Variants in ZDHHC14 observed in about 807,000 individuals in gnomAD.
ZDHHC14 encodes zDHHC palmitoyltransferase 14.
In ZDHHC14, 16 loss-of-function variants were observed where a neutral mutation model predicts 47.7. The observed-to-expected ratio is 0.34, with a 90% CI of 0.23 to 0.51. The LOEUF is 0.51. ZDHHC14 is among the 20% of genes least tolerant of loss of function. The pLI, the probability that ZDHHC14 is intolerant of heterozygous loss-of-function variation, is 0.97. For synonymous variants in ZDHHC14, 293 were observed against 278.9 expected, an observed-to-expected ratio of 1.05 and a Z score of -0.50; for missense variants, 515 against 662.5, an observed-to-expected ratio of 0.78 and a Z score of 2.44.
intron 1 of ZDHHC14, among the ~76,000 whole-genome samples, chr6:157,450,998 T>TG (rs1778790385): frequency 1.4e-4 from 21 of 147,636 alleles, no homozygotes; most frequent in Admixed American, 4.1e-4. Flanking sequence ...AAGTCTGGTC[T>TG]TGTGTGTGTG....
chr6:157,382,080 A>G lies in ZDHHC14; in HGVS notation c.59A>G (p.His20Arg), dbSNP rs1161201713. ...TGCGAGTACAGCCAGATCAGCACCC[A>G]CAGCTCCTCCCCCATGGAGTCGCCC... ...KDCEYSQISTHSSSPMESPHK... is the reference protein window; with the variant it reads ...KDCEYSQISTRSSSPMESPHK... Residue 20 changes from histidine (H) to arginine (R), a missense_variant, in exon 1 of 9, where the codon CAC becomes CGC. By Grantham distance (29) the His-to-Arg change is conservative (BLOSUM62 0). Around this residue, in one of 4 missense-constraint regions of ZDHHC14, gnomAD observed 59 missense variants for 57.7 expected, o/e 1.02. Transcript: ENST00000359775. The G allele has an allele frequency of 1.2e-6, 2 of 1,608,316 alleles. No individual in the cohort carries two copies. Among genetic ancestry groups the G allele is most frequent in the South Asian group, 2.2e-5 (2 of 90,320 alleles).
In ZDHHC14 at chr6:157,485,384, G is replaced by T. The variant is rs537368148; in HGVS notation, c.246-57201G>T. Among the ~76,000 whole-genome samples, 3 of 152,334 alleles carry T rather than the reference G, an allele frequency of 2.0e-5. No homozygotes were observed. In the East Asian group the frequency reaches 5.8e-4, roughly 29 times the overall value. On this transcript the variant is annotated intron_variant, in intron 1 of 8. Coordinates refer to ENST00000359775, the MANE Select transcript of ZDHHC14 (RefSeq NM_024630.3). Reference sequence around the variant, plus strand: ...CACGAGGAAGTATAGGAGCAAGACAGTTTGGAATGTGATTTCTCTCATCCT... The same window carrying T: ...CACGAGGAAGTATAGGAGCAAGACATTTTGGAATGTGATTTCTCTCATCCT...
chr6:157,403,604 T>A (rs192390587), intron 1 of ZDHHC14, among the ~76,000 whole-genome samples: 55 of 152,322 alleles, frequency 3.6e-4, no homozygotes, highest in African/African-American at 1.3e-3. Context: ...TTTGTCACAT[T>A]GTTTCTTTGG....
chr6:157,465,105 CT>C (rs772080368), intron 1 of ZDHHC14, among the ~76,000 whole-genome samples: 26,779 of 101,912 alleles, frequency 0.26, 2,989 homozygotes, highest in East Asian at 0.41. Context: ...TCTCTTTCTC[CT>C]TTTTTTTTTT....
chr6:157,633,129 A>G (rs1012329343), intron 5 of ZDHHC14, among the ~76,000 whole-genome samples: 2 of 152,150 alleles, frequency 1.3e-5, no homozygotes, highest in Non-Finnish European at 2.9e-5. Context: ...AGAAATCAGC[A>G]TGGATTTGTG....
chr6:157,630,544 C>T (rs1562517857), intron 4 of ZDHHC14: 1 of 151,616 alleles, frequency 6.6e-6, no homozygotes, highest in African/African-American at 2.4e-5. Context: ...CCTTACACAC[C>T]CACACTCTCA....
At chr6:157,544,571 C>T (rs1269953054) in intron 2 of ZDHHC14, among the ~76,000 whole-genome samples, 1 of 152,122 alleles carries the variant, frequency 6.6e-6, no homozygotes, top group Non-Finnish European at 1.5e-5. Context: ...ATCGCTTGAA[C>T]CCAGGAGGCG....
At chr6:157,602,653 G>A (rs1451175447) in intron 3 of ZDHHC14, among the ~76,000 whole-genome samples, 1 of 152,078 alleles carries the variant, frequency 6.6e-6, no homozygotes, top group African/African-American at 2.4e-5. Context: ...AGAAGCTCAG[G>A]GATGTTCAGG....
At chr6:157,559,136 T>C (rs1562480861) in intron 2 of ZDHHC14, among the ~76,000 whole-genome samples, 1 of 152,208 alleles carries the variant, frequency 6.6e-6, no homozygotes, top group South Asian at 2.1e-4. Context: ...TTAATAACTA[T>C]TTGCACACTT....
intron 1 of ZDHHC14, among the ~76,000 whole-genome samples, chr6:157,386,925 T>C (rs1455145372): frequency 6.6e-6 from 1 of 152,188 alleles, no homozygotes; most frequent in Non-Finnish European, 1.5e-5. Context: ...ACTTTCATAG[T>C]CTTGCTCACT....
chr6:157,435,881 G>A (rs922162225), intron 1 of ZDHHC14, among the ~76,000 whole-genome samples: 65 of 152,260 alleles, frequency 4.3e-4, no homozygotes, highest in African/African-American at 1.3e-3. Context: ...GCCTGGCAGC[G>A]TGGCAGAAAG....
At chr6:157,517,432 TCC>T (rs1780736626) in intron 1 of ZDHHC14, among the ~76,000 whole-genome samples, 1 of 151,920 alleles carries the variant, frequency 6.6e-6, no homozygotes, top group African/African-American at 2.4e-5. Context: ...TGCCTCAGCC[TCC>T]CGAGTAGCTG....
At chr6:157,592,284 G>T (rs1261426660) in intron 2 of ZDHHC14, among the ~76,000 whole-genome samples, 1 of 151,912 alleles carries the variant, frequency 6.6e-6, no homozygotes, top group Non-Finnish European at 1.5e-5. Flanking sequence ...TTTTAGAACT[G>T]GTTCTAAAAA....
At chr6:157,583,935 T>C (rs1783600627) in intron 2 of ZDHHC14, among the ~76,000 whole-genome samples, 1 of 107,664 alleles carries the variant, frequency 9.3e-6, no homozygotes, top group South Asian at 3.4e-4. Flanking sequence ...GCAGCTGTGC[T>C]GTGGACCTAA....
chr6:157,485,708 A>G (rs1384210689), intron 1 of ZDHHC14, among the ~76,000 whole-genome samples: 3 of 151,522 alleles, frequency 2.0e-5, no homozygotes, highest in Admixed American at 1.3e-4. Context: ...AGGGAAAAAA[A>G]TCTATAAAGA....
At chr6:157,566,674 G>A (rs1444650641) in intron 2 of ZDHHC14, among the ~76,000 whole-genome samples, 1 of 152,096 alleles carries the variant, frequency 6.6e-6, no homozygotes. Flanking sequence ...TAGCCCAGGC[G>A]AGCTACCACT....
At chr6:157,647,669 C>T (rs1368804727) in intron 7 of ZDHHC14, among the ~76,000 whole-genome samples, 1 of 152,162 alleles carries the variant, frequency 6.6e-6, no homozygotes, top group Non-Finnish European at 1.5e-5. Flanking sequence ...ACTGAAGGTG[C>T]GTGCAGGGAG....
At position 157,542,537 on chromosome 6, in the gene ZDHHC14, A is replaced by G. The variant is rs765323239; in HGVS notation, c.246-48A>G. On this transcript the variant is annotated intron_variant, in intron 1 of 8. Transcript: ENST00000359775. ...GCTTACTGTTGATTCCTAACATTGTATTTCCTTTCTTTTCCCCTTCTCTCC... is the reference window on the plus strand; with the variant it reads ...GCTTACTGTTGATTCCTAACATTGTGTTTCCTTTCTTTTCCCCTTCTCTCC... 11 of 1,590,378 alleles carry G rather than the reference A, an allele frequency of 6.9e-6. No individual in the cohort carries two copies. The South Asian group carries it at 1.1e-4, about 16-fold the overall frequency.
chr6:157,499,486 A>C (rs374999842), intron 1 of ZDHHC14, among the ~76,000 whole-genome samples: 18,410 of 144,538 alleles, frequency 0.13, 1,383 homozygotes, highest in Non-Finnish European at 0.15. Context: ...AAAGCCCCCC[A>C]CCCCGATATC....
Sources: gnomAD v4.1 joint callset for allele counts (sites outside exome capture counted in the v4.1 genomes callset) on GRCh38, gnomAD v4.1.1 for gene constraint, gnomAD v4.1.1 regional missense constraint, MANE v1.5 for transcripts, NCBI Gene and HGNC (gene_info 2026-07-23, HGNC 2026-07-21) for gene names.